REDIC1: variants seen among roughly 807,000 people sequenced by gnomAD.
REDIC1 encodes regulator of DNA class I crossover intermediates 1.
At chr12:39,873,800 A>G in the REDIC1 span, among the ~76,000 whole-genome samples, 1 of 152,230 alleles carries the variant, frequency 6.6e-6, no homozygotes, top group Non-Finnish European at 1.5e-5. Context: ...ATAGCTATAC[A>G]AAGTATTTTA....
At chr12:39,705,469 A>G in the REDIC1 span, among the ~76,000 whole-genome samples, 3 of 152,116 alleles carry the variant, frequency 2.0e-5, no homozygotes, top group Admixed American at 6.6e-5. Context: ...CTACAAGGCA[A>G]TGTATTAACC....
the REDIC1 span, among the ~76,000 whole-genome samples, chr12:39,887,366 G>A: frequency 6.6e-6 from 1 of 152,134 alleles, no homozygotes. Flanking sequence ...AGGGGGATAA[G>A]GAGCACAGCC....
the REDIC1 span, among the ~76,000 whole-genome samples, chr12:39,714,851 T>C: frequency 6.6e-6 from 1 of 151,856 alleles, no homozygotes; most frequent in African/African-American, 2.4e-5. Flanking sequence ...TGCTGGCCAT[T>C]GGTATATCTT....
chr12:39,753,867 T>C, the REDIC1 span, among the ~76,000 whole-genome samples: 71 of 152,058 alleles, frequency 4.7e-4, no homozygotes, highest in Admixed American at 4.7e-3. Flanking sequence ...AGGCAATGAG[T>C]GGTTCAGTAA....
chr12:39,764,875 T>G, the REDIC1 span: 2 of 1,609,002 alleles, frequency 1.2e-6, no homozygotes, highest in Non-Finnish European at 1.7e-6. Flanking sequence ...AATAATGCAA[T>G]ATAAGTATTA....
chr12:39,852,278 G>C, the REDIC1 span, among the ~76,000 whole-genome samples: 1 of 152,158 alleles, frequency 6.6e-6, no homozygotes, highest in East Asian at 1.9e-4. Context: ...GAGAAATGCT[G>C]GTCAGATTTC....
At chr12:39,808,355 G>C in the REDIC1 span, among the ~76,000 whole-genome samples, 1 of 151,360 alleles carries the variant, frequency 6.6e-6, no homozygotes, top group African/African-American at 2.4e-5. Flanking sequence ...ACCTGTTGAA[G>C]TAACATCTAC....
the REDIC1 span, among the ~76,000 whole-genome samples, chr12:39,807,150 C>T: frequency 6.6e-6 from 1 of 152,120 alleles, no homozygotes; most frequent in Admixed American, 6.5e-5. Context: ...ATTGCAAAAA[C>T]CTCGATAACT....
At chr12:39,866,471 T>G in the REDIC1 span, among the ~76,000 whole-genome samples, 1 of 152,188 alleles carries the variant, frequency 6.6e-6, no homozygotes, top group Admixed American at 6.5e-5. Context: ...TTAAATGTCA[T>G]AATGTATTTG....
At chr12:39,653,226 T>C in the REDIC1 span, among the ~76,000 whole-genome samples, 1 of 152,168 alleles carries the variant, frequency 6.6e-6, no homozygotes, top group East Asian at 1.9e-4. Flanking sequence ...TATATTATGG[T>C]TTTCAGGCTA....
chr12:39,651,633 A>G, the REDIC1 span, among the ~76,000 whole-genome samples: 1 of 152,158 alleles, frequency 6.6e-6, no homozygotes, highest in African/African-American at 2.4e-5. Context: ...TTCTGTTTGT[A>G]TGGGTTCCAT....
chr12:39,882,191 G>T, the REDIC1 span, among the ~76,000 whole-genome samples: 1 of 151,982 alleles, frequency 6.6e-6, no homozygotes, highest in East Asian at 1.9e-4. Context: ...AAACCAGAGG[G>T]TCTCAGATAT....
chr12:39,684,930 A>T, the REDIC1 span: 1 of 1,606,226 alleles, frequency 6.2e-7, no homozygotes, highest in Non-Finnish European at 8.5e-7. Context: ...TTGATGAGGT[A>T]AAGCACAGTC....
the REDIC1 span, among the ~76,000 whole-genome samples, chr12:39,717,459 A>G: frequency 2.6e-5 from 4 of 152,086 alleles, no homozygotes; most frequent in Non-Finnish European, 4.4e-5. Context: ...GGAATAGATC[A>G]TCATAAATCA....
At chr12:39,722,805 C>G in the REDIC1 span, among the ~76,000 whole-genome samples, 4 of 152,118 alleles carry the variant, frequency 2.6e-5, no homozygotes, top group African/African-American at 9.7e-5. Context: ...AATCTTGCCC[C>G]AAAAGCGGTA....
chr12:39,779,778 C>G, the REDIC1 span, among the ~76,000 whole-genome samples: 3 of 152,208 alleles, frequency 2.0e-5, no homozygotes, highest in Non-Finnish European at 4.4e-5. Flanking sequence ...ATTGAAAAAT[C>G]TATCTGTATC....
chr12:39,640,180 T>C, the REDIC1 span, among the ~76,000 whole-genome samples: 1 of 151,712 alleles, frequency 6.6e-6, no homozygotes, highest in South Asian at 2.1e-4. Flanking sequence ...TGGAAGGTGA[T>C]TGGGTCACAG....
At chr12:39,662,747 A>G in the REDIC1 span, among the ~76,000 whole-genome samples, 1 of 152,108 alleles carries the variant, frequency 6.6e-6, no homozygotes, top group Admixed American at 6.6e-5. Flanking sequence ...CCCATTCAGT[A>G]TGATACCTGT....
chr12:39,712,851 ACATATG>A, the REDIC1 span, among the ~76,000 whole-genome samples: 1 of 83,972 alleles, frequency 1.2e-5, no homozygotes, highest in African/African-American at 3.2e-5. Context: ...ACGTATATAC[ACATATG>A]TATATACACG....
Sources: gnomAD v4.1 joint callset for allele counts (sites outside exome capture counted in the v4.1 genomes callset) on GRCh38, gnomAD v4.1.1 for gene constraint, MANE v1.5 for transcripts, NCBI Gene and HGNC (gene_info 2026-07-23, HGNC 2026-07-21) for gene names.